The following MANEA variants were observed in gnomAD, a reference collection of about 807,000 sequenced individuals.
MANEA encodes the protein glycoprotein endo-alpha-1,2-mannosidase.
Under a neutral mutation model 36.8 loss-of-function variants are expected in MANEA, and 25 were observed. The ratio of observed to expected loss-of-function variants is 0.68; its 90% CI spans 0.50 to 0.95. The LOEUF (loss-of-function observed/expected upper bound fraction) is 0.95. Ranked by LOEUF, MANEA falls within the 40% of genes least tolerant of loss-of-function variation. The pLI, the probability that MANEA is intolerant of heterozygous loss-of-function variation, is 0.00. For synonymous variants in MANEA, 198 were observed against 188.5 expected, an observed-to-expected ratio of 1.05 and a Z score of -0.41; for missense variants, 565 against 558.8, an observed-to-expected ratio of 1.01 and a Z score of -0.11.
chr6:95,583,787 T>C (rs1430981231), intron 1 of MANEA, among the ~76,000 whole-genome samples: 1 of 152,174 alleles, frequency 6.6e-6, no homozygotes, highest in Non-Finnish European at 1.5e-5. Context: ...AAACTAGACA[T>C]GTCTTTTATA....
At chr6:95,605,642 A>G (rs1458404796) in intron 4 of MANEA, 106 bp from the exon 5 acceptor site, 23 of 708,580 alleles carry the variant, frequency 3.2e-5, no homozygotes, top group Non-Finnish European at 5.6e-5. Flanking sequence ...GAAATGGAGC[A>G]GTGTGCTCAA....
In MANEA at chr6:95,606,442, T is replaced by G. The variant is rs771205447; in HGVS notation, c.*37T>G. ...AAGTTTAATAGTTATCAAAATCACC[T>G]AATTTTTAAAAATAGCTTTCGTTTT... On this transcript the variant is annotated 3_prime_UTR_variant, in exon 5 of 5. Transcript: ENST00000358812. 6.8e-7 allele frequency: 1 copy of G among 1,472,462 alleles called. No homozygotes were observed. The highest frequency in any genetic ancestry group is 9.1e-7 in the Non-Finnish European group (1 of 1,102,886). The allele number at this position is 1,472,462 out of a possible 1,614,324, so 91.2% of individuals were successfully genotyped here. A position where few individuals can be genotyped will look rare whatever the true frequency, so the allele number is the denominator to read the frequency against.
Position 95,608,371 on chromosome 6 carries a change from A to C in MANEA, c.*1966A>C, listed in dbSNP as rs1365559210. ...TGACAGAAAGTAAATTTTAGGAAATAGTTATGAGATTAAGGGAAAATCTAT... is the reference window on the plus strand; with the variant it reads ...TGACAGAAAGTAAATTTTAGGAAATCGTTATGAGATTAAGGGAAAATCTAT... On this transcript the variant is annotated 3_prime_UTR_variant, in exon 5 of 5. Coordinates refer to ENST00000358812, the MANE Select transcript of MANEA (RefSeq NM_024641.4). The C allele has an allele frequency of 6.6e-6, 1 of 151,926 alleles. No homozygotes were observed. Among genetic ancestry groups the C allele is most frequent in the Non-Finnish European group, 1.5e-5 (1 of 67,810 alleles). 9.4% of individuals were successfully genotyped at this position (151,926 alleles called of 1,614,324 possible).
chr6:95,598,664 G>A (rs1769530369), intron 3 of MANEA, among the ~76,000 whole-genome samples: 1 of 152,082 alleles, frequency 6.6e-6, no homozygotes, highest in African/African-American at 2.4e-5. Context: ...CAATGTGGGA[G>A]GGAACTGCAA....
intron 1 of MANEA, among the ~76,000 whole-genome samples, chr6:95,580,816 T>G (rs1270827429): frequency 6.6e-6 from 1 of 151,752 alleles, no homozygotes; most frequent in African/African-American, 2.4e-5. Flanking sequence ...ACTGTGGAAT[T>G]AGGAGAGGTA....
chr6:95,600,776 TC>T (rs1304663916), intron 3 of MANEA, among the ~76,000 whole-genome samples: 24 of 152,194 alleles, frequency 1.6e-4, no homozygotes, highest in Admixed American at 4.6e-4. Flanking sequence ...TTGCTAGTCT[TC>T]AAAGCATGGA....
At chr6:95,599,288 C>A (rs6932114) in intron 3 of MANEA, among the ~76,000 whole-genome samples, 90,554 of 151,692 alleles carry the variant, frequency 0.6, 27,429 homozygotes, top group East Asian at 0.87. Flanking sequence ...TATACTACAC[C>A]TGTAGTCCCA....
At chr6:95,589,682 CTAAAAG>C (rs1769351115) in intron 2 of MANEA, among the ~76,000 whole-genome samples, 1 of 152,052 alleles carries the variant, frequency 6.6e-6, no homozygotes, top group South Asian at 2.1e-4. Flanking sequence ...TATTACAACT[CTAAAAG>C]TAACAGATGA....
At chr6:95,582,994 T>G (rs1769210605) in intron 1 of MANEA, among the ~76,000 whole-genome samples, 1 of 152,204 alleles carries the variant, frequency 6.6e-6, no homozygotes, top group South Asian at 2.1e-4. Flanking sequence ...TTATCCAAAT[T>G]AACTGATAAA....
At chr6:95,590,144 G>T (rs987350168) in intron 2 of MANEA, 1 of 152,234 alleles carries the variant, frequency 6.6e-6, no homozygotes, top group East Asian at 1.9e-4. Context: ...TAAGACCCAT[G>T]TCAACACTCC....
At chr6:95,594,806 A>G (rs1441025579) in intron 2 of MANEA, among the ~76,000 whole-genome samples, 1 of 152,170 alleles carries the variant, frequency 6.6e-6, no homozygotes, top group Non-Finnish European at 1.5e-5. Context: ...CTGCAGTTTA[A>G]TTCACTGCTT....
At chr6:95,599,990 G>A (rs1769557902) in intron 3 of MANEA, among the ~76,000 whole-genome samples, 1 of 152,158 alleles carries the variant, frequency 6.6e-6, no homozygotes, top group Admixed American at 6.5e-5. Flanking sequence ...CTGCTTTTCT[G>A]TCCAGGCCCT....
At chr6:95,594,583 G>A (rs1402876483) in intron 2 of MANEA, among the ~76,000 whole-genome samples, 5 of 152,076 alleles carry the variant, frequency 3.3e-5, no homozygotes, top group African/African-American at 4.8e-5. Context: ...CTTGTGCATG[G>A]TGTTTTATTC....
At position 95,605,939 on chromosome 6, in the gene MANEA, A is replaced by C; in HGVS notation, c.923A>C (p.His308Pro). The change falls in exon 5 of 5, where the codon CAT (histidine) becomes CCT (proline). Residue 308 changes from histidine (H) to proline (P), a missense_variant. Transcript: ENST00000358812. The part of the protein sequence containing the change: ...LFIALLVEEK[H>P]KYDILQSGFD... ...ATTGCCCTTCTGGTAGAAGAAAAAC[A>C]TAAGTATGATATTCTTCAAAGTGGT... 22 of 1,614,082 alleles carry C rather than the reference A, an allele frequency of 1.4e-5. No individual in the cohort carries two copies. The highest frequency in any genetic ancestry group is 1.8e-5 in the Non-Finnish European group (21 of 1,179,962).
intron 1 of MANEA, among the ~76,000 whole-genome samples, chr6:95,579,192 G>T (rs943704844): frequency 3.3e-5 from 5 of 152,150 alleles, no homozygotes; most frequent in Non-Finnish European, 7.4e-5. Context: ...AACCAACATG[G>T]TGAAACCCTG....
rs376641596 is a variant in MANEA at position 95,583,370 on chromosome 6, A to T, written c.-38-3032A>T. 1.2e-4 allele frequency among the ~76,000 whole-genome samples: 19 copies of T among 152,200 alleles called. No homozygotes were observed. In the South Asian group the frequency reaches 2.3e-3, roughly 18 times the overall value. On this transcript the variant is annotated intron_variant, in intron 1 of 4. Transcript: ENST00000358812. Reference sequence around the variant, plus strand: ...TTATATCTAAATATATATGACATGTATCCATATATAACATAAGATGCACAA... The same window carrying T: ...TTATATCTAAATATATATGACATGTTTCCATATATAACATAAGATGCACAA...
At chr6:95,588,496 A>C (rs1769329303) in intron 2 of MANEA, among the ~76,000 whole-genome samples, 1 of 152,028 alleles carries the variant, frequency 6.6e-6, no homozygotes, top group African/African-American at 2.4e-5. Context: ...CAGTTAAGAC[A>C]GCATTGACTT....
intron 1 of MANEA, among the ~76,000 whole-genome samples, chr6:95,578,012 CT>C (rs934749980): frequency 3.3e-5 from 5 of 152,178 alleles, no homozygotes; most frequent in Non-Finnish European, 7.4e-5. Flanking sequence ...GGATGGAAGC[CT>C]TTTTCAGCAC....
chr6:95,586,607 G>A lies in MANEA; in HGVS notation c.168G>A (p.Gly56=), dbSNP rs746890693. The A allele has an allele frequency of 6.2e-7, 1 of 1,613,896 alleles. No individual in the cohort carries two copies. Among genetic ancestry groups the A allele is most frequent in the South Asian group, 1.1e-5 (1 of 91,068 alleles). The change falls in exon 2 of 5, where the codon GGG becomes GGA. Residue 56 remains glycine, a synonymous_variant. Transcript: ENST00000358812. ...PELHQRTIHL[G]KNFDFQKSDR... ...TTCATCAACGAACTATTCATTTGGG[G>A]AAAAATTTTGATTTCCAAAAGAGTG...
Sources: gnomAD v4.1 joint callset for allele counts (sites outside exome capture counted in the v4.1 genomes callset) on GRCh38, gnomAD v4.1.1 for gene constraint, MANE v1.5 for transcripts, NCBI Gene and HGNC (gene_info 2026-07-23, HGNC 2026-07-21) for gene names.